Variants in CUX1 observed in about 807,000 individuals in gnomAD.
CUX1 encodes the protein protein CASP.
In CUX1, 31 loss-of-function variants were observed where a neutral mutation model predicts 158.8. The ratio of observed to expected loss-of-function variants is 0.20; its 90% CI spans 0.15 to 0.26. The LOEUF (loss-of-function observed/expected upper bound fraction) is 0.26, where lower values mean the gene tolerates loss of function less well. CUX1 is among the 10% of genes least tolerant of loss of function. CUX1 has a pLI of 1.00. For synonymous variants in CUX1, 879 were observed against 862.1 expected (o/e 1.02, Z -0.34); for missense variants, 1,589 against 2,014.6 (o/e 0.79, Z 4.04).
chr7:102,135,800 A>C (rs1361409479), intron 8 of CUX1, among the ~76,000 whole-genome samples: 1 of 151,708 alleles, frequency 6.6e-6, no homozygotes, highest in Admixed American at 6.6e-5. Context: ...GATGGTGTAA[A>C]CCCATCTCTA....
intron 23 of CUX1, among the ~76,000 whole-genome samples, chr7:102,239,861 G>C (rs782247501): frequency 6.6e-6 from 1 of 151,834 alleles, no homozygotes; most frequent in Admixed American, 6.6e-5. Context: ...GTTCTCCTGC[G>C]TCAGCCTCCC....
intron 2 of CUX1, among the ~76,000 whole-genome samples, chr7:102,008,466 C>T (rs1817637138): frequency 3.9e-5 from 6 of 152,126 alleles, no homozygotes; most frequent in African/African-American, 7.2e-5. Flanking sequence ...CTAGCTGCGC[C>T]TGTCTTTCGG....
intron 2 of CUX1, among the ~76,000 whole-genome samples, chr7:101,957,251 C>T (rs1254837499): frequency 6.6e-6 from 1 of 152,170 alleles, no homozygotes; most frequent in African/African-American, 2.4e-5. Context: ...TATAGACATA[C>T]AGCACAATAG....
intron 1 of CUX1, among the ~76,000 whole-genome samples, chr7:101,875,760 C>T (rs75850731): frequency 0.031 from 4,675 of 152,200 alleles, 115 homozygotes; most frequent in Non-Finnish European, 0.048. Flanking sequence ...TTAGAGATTT[C>T]TTTCATCCTC....
chr7:102,248,579 C>T lies in CUX1; in HGVS notation c.4055C>T (p.Thr1352Ile), dbSNP rs1554537908. Residue 1352 changes from threonine to isoleucine, a missense_variant, in exon 24 of 24, where the codon ACC (threonine) becomes ATC (isoleucine). Around this residue, in one of 8 missense-constraint regions of CUX1, gnomAD observed 344 missense variants for 323.7 expected, o/e 1.06. Coordinates refer to ENST00000292535, the MANE Select transcript of CUX1 (RefSeq NM_181552.4). The surrounding 1 kb of genome is among the most constrained non-coding windows in gnomAD (Gnocchi z 5.8). The stretch of plus-strand genomic sequence containing the variant: ...ACTGAGGGCCCAGGCAGCGCCGACA[C>T]CGAGGAGCCCAAGTCTCAGGGAGAG... ...EATEGPGSADTEEPKSQGEAE... is the reference protein window; with the variant it reads ...EATEGPGSADIEEPKSQGEAE... 1.3e-6 allele frequency: 2 copies of T among 1,484,612 alleles called. No individual in the cohort carries two copies. The highest frequency in any genetic ancestry group is 1.8e-6 in the Non-Finnish European group (2 of 1,122,088). 92.0% of individuals were successfully genotyped at this position (1,484,612 alleles called of 1,614,324 possible). A position where few individuals can be genotyped will look rare whatever the true frequency, so the allele number is the denominator to read the frequency against.
intron 1 of CUX1, among the ~76,000 whole-genome samples, chr7:101,846,607 C>T (rs1302184524): frequency 1.3e-5 from 2 of 152,042 alleles, no homozygotes; most frequent in Non-Finnish European, 2.9e-5. Context: ...GGATTGCCAG[C>T]GGGAGCCACC....
At position 101,817,709 on chromosome 7, in the gene CUX1, G is replaced by T; in HGVS notation, c.30+40G>T. 1 of 1,547,918 alleles carries T rather than the reference G, an allele frequency of 6.5e-7. No individual in the cohort carries two copies. On this transcript the variant is annotated intron_variant, in intron 1 of 23. Transcript: ENST00000292535. The surrounding 1 kb of genome is among the most constrained non-coding windows in gnomAD (Gnocchi z 4.1). ...GGCCAGAAGTCCCGAGGTTGCAGGC[G>T]CGGAGGGAACCGGGGATGTCGGGGG...
chr7:102,151,084 A>T (rs138094085), intron 8 of CUX1, among the ~76,000 whole-genome samples: 2 of 152,310 alleles, frequency 1.3e-5, no homozygotes, highest in Admixed American at 6.5e-5. Context: ...TACTGTTGAC[A>T]CTCACACCAT....
intron 2 of CUX1, among the ~76,000 whole-genome samples, chr7:101,974,661 A>G (rs1440786577): frequency 6.6e-6 from 1 of 152,210 alleles, no homozygotes; most frequent in Non-Finnish European, 1.5e-5. Context: ...TGCCTTTTGT[A>G]TCACAGAGAA....
intron 20 of CUX1, among the ~76,000 whole-genome samples, chr7:102,213,493 C>T (rs1470728194): frequency 1.3e-5 from 2 of 152,368 alleles, no homozygotes; most frequent in South Asian, 2.1e-4. Flanking sequence ...TTCTTCCCGT[C>T]GCTTTCCCTG....
chr7:102,235,038 T>G (rs1194565529), intron 22 of CUX1, among the ~76,000 whole-genome samples: 3 of 152,116 alleles, frequency 2.0e-5, no homozygotes, highest in Non-Finnish European at 4.4e-5. Context: ...ACAACAGATC[T>G]CTCTCTTGCT....
chr7:102,010,638 T>A (rs373384265), intron 2 of CUX1, among the ~76,000 whole-genome samples: 36 of 152,284 alleles, frequency 2.4e-4, no homozygotes, highest in African/African-American at 7.9e-4. Flanking sequence ...TAAGTAAATA[T>A]GTGTGTGCAT....
chr7:101,970,247 G>A (rs1222992326), intron 2 of CUX1, among the ~76,000 whole-genome samples: 2 of 152,142 alleles, frequency 1.3e-5, no homozygotes, highest in African/African-American at 2.4e-5. Flanking sequence ...CAGGAAGCCT[G>A]CGGTAGGAAA....
chr7:102,003,611 C>T (rs1563117141), intron 2 of CUX1, among the ~76,000 whole-genome samples: 1 of 152,158 alleles, frequency 6.6e-6, no homozygotes. Context: ...GGCTCTGGTG[C>T]AGCCCCACCA....
intron 2 of CUX1, among the ~76,000 whole-genome samples, chr7:101,964,619 A>C (rs897249795): frequency 6.6e-6 from 1 of 152,088 alleles, no homozygotes; most frequent in African/African-American, 2.4e-5. Context: ...CCACGCCTCC[A>C]TTGGACAGGC....
At chr7:102,139,297 C>T (rs1834210610) in intron 8 of CUX1, among the ~76,000 whole-genome samples, 1 of 151,044 alleles carries the variant, frequency 6.6e-6, no homozygotes, top group Admixed American at 6.6e-5. Context: ...ACCCAGGGTC[C>T]TTCTGTAAGT....
At chr7:102,010,331 T>C (rs1289657082) in intron 2 of CUX1, among the ~76,000 whole-genome samples, 2 of 149,286 alleles carry the variant, frequency 1.3e-5, no homozygotes, top group East Asian at 3.9e-4. Flanking sequence ...GAGGTGGAGG[T>C]TGCAGTGAGC....
chr7:102,248,378 C>G lies in CUX1; in HGVS notation c.3888-34C>G, dbSNP rs1554537703. The G allele has an allele frequency of 6.5e-7, 1 of 1,547,268 alleles. No homozygotes were observed. The highest frequency in any genetic ancestry group is 8.7e-7 in the Non-Finnish European group (1 of 1,151,008). On this transcript the variant is annotated intron_variant, in intron 23 of 23. Transcript: ENST00000292535. This position sits in a 1 kb window ranked among gnomAD's most constrained non-coding sequence, Gnocchi z 5.8. ...CCAGAGGCCCTTTCCCCAGCAGCAC[C>G]CCCCTCACGTCCCCGCCGCTTGTTG...
At chr7:101,932,274 G>A (rs996609775) in intron 2 of CUX1, 5 of 191,642 alleles carry the variant, frequency 2.6e-5, no homozygotes, top group Non-Finnish European at 5.5e-5. Context: ...TCTATTGGCT[G>A]TTTGGTTTGT....
Sources: allele counts gnomAD v4.1 joint callset (sites outside exome capture counted in the v4.1 genomes callset), GRCh38; gene constraint gnomAD v4.1.1; regional missense constraint gnomAD v4.1.1; non-coding constraint Gnocchi (gnomAD v3.1); transcripts MANE v1.5; gene names NCBI Gene and HGNC (gene_info 2026-07-23, HGNC 2026-07-21).